KCNIP4: variants seen among roughly 807,000 people sequenced by gnomAD.
KCNIP4 encodes potassium voltage-gated channel interacting protein 4.
In KCNIP4, 12 loss-of-function variants were observed where a neutral mutation model predicts 34.0. The observed-to-expected ratio is 0.35, with a 90% CI of 0.23 to 0.57. KCNIP4 has a LOEUF of 0.57. KCNIP4 is among the 20% of genes least tolerant of loss of function. The probability of loss-of-function intolerance (pLI) is 0.83; values close to 1 mark genes in which losing one functional copy is unlikely to be tolerated. For synonymous variants in KCNIP4, 124 were observed against 102.2 expected (o/e 1.21, Z -1.29); for missense variants, 238 against 311.7 (o/e 0.76, Z 1.78).
intron 1 of KCNIP4, among the ~76,000 whole-genome samples, chr4:21,284,176 G>A (rs1050955925): frequency 8.6e-5 from 13 of 150,370 alleles, no homozygotes; most frequent in Admixed American, 8.0e-4. Context: ...TTGCACCACT[G>A]CACTCCAGCC....
intron 1 of KCNIP4, among the ~76,000 whole-genome samples, chr4:21,404,379 C>G (rs930493113): frequency 6.6e-6 from 1 of 152,140 alleles, no homozygotes; most frequent in African/African-American, 2.4e-5. Context: ...ACTTCTAGTT[C>G]CTTAGTAACT....
chr4:21,766,168 A>G (rs553389979), intron 1 of KCNIP4, among the ~76,000 whole-genome samples: 1 of 152,186 alleles, frequency 6.6e-6, no homozygotes, highest in Non-Finnish European at 1.5e-5. Context: ...TGGTGGCCTG[A>G]ACAATACATT....
Position 21,720,530 on chromosome 4 carries a change from C to CT in KCNIP4, c.61+228040dup, listed in dbSNP as rs71191598. Among the ~76,000 whole-genome samples, 198 of 140,330 alleles carry CT rather than the reference C, an allele frequency of 1.4e-3. 1 individual carries two copies. Among genetic ancestry groups the CT allele is most frequent in the Middle Eastern group, 7.4e-3 (2 of 270 alleles). The allele number at this position is 140,330 out of a possible 152,430, so 92.1% of individuals were successfully genotyped here. A position where few individuals can be genotyped will look rare whatever the true frequency, so the allele number is the denominator to read the frequency against. ...TTTTTTCCCCCATTCTGTTTTTTTT[C>CT]TTTTTTTTTTTTTCATTGTACTTTA... On this transcript the variant is annotated intron_variant, in intron 1 of 8. Transcript: ENST00000382152.
At chr4:21,735,793 T>A (rs1715953292) in intron 1 of KCNIP4, among the ~76,000 whole-genome samples, 1 of 152,124 alleles carries the variant, frequency 6.6e-6, no homozygotes, top group Non-Finnish European at 1.5e-5. Context: ...TAAACAAAAA[T>A]CCAAACTAGA....
intron 1 of KCNIP4, among the ~76,000 whole-genome samples, chr4:21,147,058 G>T (rs1560763503): frequency 4.6e-5 from 7 of 152,094 alleles, no homozygotes; most frequent in Admixed American, 4.6e-4. Flanking sequence ...CTGGGAGGTG[G>T]ACCAGAAGGG....
chr4:20,761,369 A>G (rs887795907), intron 3 of KCNIP4, among the ~76,000 whole-genome samples: 10 of 152,200 alleles, frequency 6.6e-5, no homozygotes, highest in African/African-American at 1.9e-4. Context: ...ACCAATAGCT[A>G]CAACTCCAAA....
At chr4:21,766,910 C>T (rs1176749661) in intron 1 of KCNIP4, among the ~76,000 whole-genome samples, 4 of 152,084 alleles carry the variant, frequency 2.6e-5, no homozygotes, top group African/African-American at 4.8e-5. Flanking sequence ...TGAAATATAG[C>T]AGTGATCACA....
At chr4:21,192,570 G>T (rs1049213723) in intron 1 of KCNIP4, among the ~76,000 whole-genome samples, 25 of 152,066 alleles carry the variant, frequency 1.6e-4, no homozygotes, top group African/African-American at 6.0e-4. Flanking sequence ...GCCGTATAAT[G>T]TCAGGCAGGA....
intron 1 of KCNIP4, among the ~76,000 whole-genome samples, chr4:21,061,623 T>C (rs1283170110): frequency 6.6e-6 from 1 of 152,076 alleles, no homozygotes; most frequent in Non-Finnish European, 1.5e-5. Flanking sequence ...CTCTAAATTA[T>C]TACATAGGAG....
At chr4:21,447,505 T>C (rs1728134098) in intron 1 of KCNIP4, among the ~76,000 whole-genome samples, 1 of 152,170 alleles carries the variant, frequency 6.6e-6, no homozygotes, top group South Asian at 2.1e-4. Flanking sequence ...CAGTAGTGAC[T>C]TGCTCATCTG....
intron 1 of KCNIP4, among the ~76,000 whole-genome samples, chr4:20,933,371 A>G (rs564282323): frequency 1.3e-5 from 2 of 152,344 alleles, no homozygotes; most frequent in East Asian, 3.9e-4. Context: ...ATGGATGCAT[A>G]CAAGTAAATA....
chr4:20,761,431 G>A (rs1754950463), intron 3 of KCNIP4, among the ~76,000 whole-genome samples: 1 of 152,150 alleles, frequency 6.6e-6, no homozygotes, highest in East Asian at 1.9e-4. Flanking sequence ...CTATCTAGCT[G>A]ACACCAATGG....
At chr4:21,274,228 T>C (rs973073440) in intron 1 of KCNIP4, among the ~76,000 whole-genome samples, 1 of 152,182 alleles carries the variant, frequency 6.6e-6, no homozygotes, top group Non-Finnish European at 1.5e-5. Context: ...TGAAGTACCA[T>C]GCCTGTGTGT....
chr4:20,929,886 G>T (rs912363888), intron 1 of KCNIP4, among the ~76,000 whole-genome samples: 1 of 151,870 alleles, frequency 6.6e-6, no homozygotes, highest in Non-Finnish European at 1.5e-5. Flanking sequence ...CATATAAATA[G>T]AATAATATTC....
At chr4:21,207,064 G>A (rs1022449231) in intron 1 of KCNIP4, among the ~76,000 whole-genome samples, 30 of 152,188 alleles carry the variant, frequency 2.0e-4, no homozygotes, top group Non-Finnish European at 2.4e-4. Flanking sequence ...TCCTAGCCTC[G>A]GAAAATTAGA....
chr4:20,782,362 C>G (rs1023566487), intron 3 of KCNIP4, among the ~76,000 whole-genome samples: 2 of 152,180 alleles, frequency 1.3e-5, no homozygotes, highest in African/African-American at 2.4e-5. Flanking sequence ...GGGGCTCCAA[C>G]CCCACATATC....
At chr4:21,554,502 T>C (rs1235914789) in intron 1 of KCNIP4, among the ~76,000 whole-genome samples, 1 of 152,176 alleles carries the variant, frequency 6.6e-6, no homozygotes, top group South Asian at 2.1e-4. Flanking sequence ...ATAATTGCTC[T>C]GATAATGAGA....
chr4:21,507,326 T>G (rs358552), intron 1 of KCNIP4, among the ~76,000 whole-genome samples: 71,169 of 150,476 alleles, frequency 0.47, 18,519 homozygotes, highest in African/African-American at 0.69. Flanking sequence ...GTGTAGTGGC[T>G]CGATCTTGGC....
chr4:21,402,351 C>T (rs1723624965), intron 1 of KCNIP4, among the ~76,000 whole-genome samples: 1 of 152,168 alleles, frequency 6.6e-6, no homozygotes, highest in African/African-American at 2.4e-5. Flanking sequence ...AAAAATGAGT[C>T]CGTGTAATAC....
Sources: gnomAD v4.1 joint callset for allele counts (sites outside exome capture counted in the v4.1 genomes callset) on GRCh38, gnomAD v4.1.1 for gene constraint, MANE v1.5 for transcripts, NCBI Gene and HGNC (gene_info 2026-07-23, HGNC 2026-07-21) for gene names.